LIMS1: variants seen among roughly 807,000 people sequenced by gnomAD.
LIMS1 encodes the protein LIM zinc finger domain containing 1.
In LIMS1, 18 loss-of-function variants were observed where a neutral mutation model predicts 44.1. The observed-to-expected ratio is 0.41, with a 90% confidence interval of 0.28 to 0.61. LIMS1 has a LOEUF of 0.61. LIMS1 is among the 20% of genes least tolerant of loss of function. LIMS1 has a pLI of 0.32. For missense variants in LIMS1, 201 were observed against 422.0 expected, an observed-to-expected ratio of 0.48 and a Z score of 4.59; for synonymous variants, 93 against 149.1, an observed-to-expected ratio of 0.62 and a Z score of 2.74.
chr2:108,628,960 T>TTA (rs2148890169), intron 1 of LIMS1, among the ~76,000 whole-genome samples: 1 of 152,328 alleles, frequency 6.6e-6, no homozygotes, highest in South Asian at 2.1e-4. Flanking sequence ...AGCAGAATAC[T>TTA]TATTTGACCA....
chr2:108,660,704 A>G (rs1419454628), intron 2 of LIMS1: 4 of 214,188 alleles, frequency 1.9e-5, no homozygotes, highest in Admixed American at 5.3e-5. Flanking sequence ...GATTACAGGT[A>G]TGAACCACCA....
intron 1 of LIMS1, among the ~76,000 whole-genome samples, chr2:108,551,953 G>GTGTGTGTATA (rs56703030): frequency 2.3e-5 from 2 of 85,290 alleles, no homozygotes; most frequent in African/African-American, 6.8e-5. Flanking sequence ...GTGTGTGTGT[G>GTGTGTGTATA]TATATATATA....
intron 1 of LIMS1, among the ~76,000 whole-genome samples, chr2:108,627,400 G>GT (rs58261864): frequency 1.4e-3 from 154 of 106,980 alleles, no homozygotes; most frequent in African/African-American, 3.3e-3. Context: ...TCCCTTTCTG[G>GT]TTTTTTTTTT....
intron 1 of LIMS1, among the ~76,000 whole-genome samples, chr2:108,575,305 G>C (rs1451356544): frequency 6.6e-6 from 1 of 152,062 alleles, no homozygotes; most frequent in Non-Finnish European, 1.5e-5. Context: ...GTTAGAATGT[G>C]AGCTAATCAT....
intron 1 of LIMS1, among the ~76,000 whole-genome samples, chr2:108,582,638 T>C (rs1020748668): frequency 2.6e-5 from 4 of 152,124 alleles, no homozygotes; most frequent in Non-Finnish European, 5.9e-5. Context: ...TGTGGTGGCA[T>C]GTGCCTGCAG....
chr2:108,622,619 T>C (rs767664842), intron 1 of LIMS1, among the ~76,000 whole-genome samples: 4 of 152,152 alleles, frequency 2.6e-5, no homozygotes, highest in Non-Finnish European at 4.4e-5. Flanking sequence ...GATTAAACAA[T>C]TTAAAAGTCT....
At chr2:108,587,833 A>T (rs969054863) in intron 1 of LIMS1, among the ~76,000 whole-genome samples, 3 of 152,206 alleles carry the variant, frequency 2.0e-5, no homozygotes, top group African/African-American at 7.2e-5. Flanking sequence ...TCTGTCAGGG[A>T]TATCTGGGAC....
At chr2:108,588,881 T>C (rs1354883949) in intron 1 of LIMS1, among the ~76,000 whole-genome samples, 1 of 152,102 alleles carries the variant, frequency 6.6e-6, no homozygotes, top group Non-Finnish European at 1.5e-5. Flanking sequence ...CAAAGTAGGG[T>C]GGGTGTGGAA....
At chr2:108,680,695 T>C in exon 9 of LIMS1, 1 of 1,609,726 alleles carries the variant, frequency 6.2e-7, no homozygotes, top group Non-Finnish European at 8.5e-7. Flanking sequence ...CTTTCTCCAG[T>C]GGTCTCTGCT....
exon 1 of LIMS1, chr2:108,534,405 C>T (rs1172020035): frequency 5.3e-6 from 2 of 373,906 alleles, no homozygotes; most frequent in African/African-American, 2.2e-5. Flanking sequence ...CTCGCCTTCC[C>T]CCCCCTCCCG....
chr2:108,574,778 C>T (rs1204271635), intron 1 of LIMS1, among the ~76,000 whole-genome samples: 2 of 152,200 alleles, frequency 1.3e-5, no homozygotes, highest in Non-Finnish European at 1.5e-5. Flanking sequence ...TTTGGTTTTC[C>T]TGTCCCTGAT....
chr2:108,621,563 G>C, intron 1 of LIMS1: 1 of 813,786 alleles, frequency 1.2e-6, no homozygotes. Flanking sequence ...AGTACTCATT[G>C]AAAAGTAGCC....
chr2:108,636,124 G>A lies in LIMS1; in HGVS notation c.33-23481G>A, dbSNP rs796276956. On this transcript the variant is annotated intron_variant, in intron 1 of 9. Coordinates refer to ENST00000544547, the Ensembl canonical transcript of LIMS1. The stretch of plus-strand genomic sequence containing the variant: ...AATAGCCGCTGTAAGGAGCAGCCAC[G>A]GACCCTAGAGCTGAGTTAGAGTGCC... Among the ~76,000 whole-genome samples, 30 of 152,302 alleles carry A rather than the reference G, an allele frequency of 2.0e-4. No homozygotes were observed. The East Asian group carries it at 2.7e-3, about 14-fold the overall frequency.
intron 9 of LIMS1, 45 bp from the exon 10 acceptor site, chr2:108,683,838 AAT>A (rs773147673): frequency 4.9e-6 from 5 of 1,011,222 alleles, no homozygotes; most frequent in Admixed American, 2.3e-5. Flanking sequence ...ATCTTTGTTG[AAT>A]ATGTTTCCAC....
At chr2:108,656,833 G>A (rs1442056596) in intron 1 of LIMS1, among the ~76,000 whole-genome samples, 26 of 103,088 alleles carry the variant, frequency 2.5e-4, no homozygotes, top group Admixed American at 3.5e-4. Flanking sequence ...ATAATCAAAC[G>A]TTTTAATCTA....
chr2:108,564,468 A>C (rs1685227983), intron 1 of LIMS1, among the ~76,000 whole-genome samples: 1 of 152,258 alleles, frequency 6.6e-6, no homozygotes, highest in East Asian at 1.9e-4. Flanking sequence ...GAGATAGATA[A>C]AGAGATAGAC....
chr2:108,589,488 T>A (rs1319340292), intron 1 of LIMS1, among the ~76,000 whole-genome samples: 2 of 152,194 alleles, frequency 1.3e-5, no homozygotes, highest in Non-Finnish European at 2.9e-5. Context: ...GATTCTGTTG[T>A]TTTTCTAGTC....
chr2:108,660,801 G>C (rs2148971284), intron 2 of LIMS1: 1 of 176,794 alleles, frequency 5.7e-6, no homozygotes, highest in African/African-American at 2.4e-5. Context: ...TATAAATGAA[G>C]GTGAGAGTGA....
chr2:108,684,423 T>C (rs1444207221), exon 10 of LIMS1: 1 of 151,958 alleles, frequency 6.6e-6, no homozygotes, highest in Non-Finnish European at 1.5e-5. Context: ...AAAAGAAAAA[T>C]AACCACCCAA....
Sources: allele counts gnomAD v4.1 joint callset (sites outside exome capture counted in the v4.1 genomes callset), GRCh38; gene constraint gnomAD v4.1.1; transcripts MANE v1.5; gene names NCBI Gene and HGNC (gene_info 2026-07-23, HGNC 2026-07-21).